The following SLC24A2 variants were observed in gnomAD, a reference collection of about 807,000 sequenced individuals.
SLC24A2 encodes the protein sodium/potassium/calcium exchanger 2.
SLC24A2 carries 36 observed loss-of-function variants against 62.0 expected under a neutral mutation model. The ratio of observed to expected loss-of-function variants is 0.58; its 90% confidence interval spans 0.44 to 0.77. The LOEUF (loss-of-function observed/expected upper bound fraction) is 0.77, where lower values mean the gene tolerates loss of function less well. Among genes scored for constraint, SLC24A2 ranks in the 30% least tolerant of loss-of-function variants. The pLI is 0.00. For missense variants in SLC24A2, 846 were observed against 817.9 expected, an observed-to-expected ratio of 1.03 and a Z score of -0.42; for synonymous variants, 358 against 294.0, an observed-to-expected ratio of 1.22 and a Z score of -2.23.
the SLC24A2 span, among the ~76,000 whole-genome samples, chr9:20,222,505 C>T: frequency 1.3e-5 from 2 of 152,134 alleles, no homozygotes; most frequent in East Asian, 1.9e-4. Flanking sequence ...AAATATCCAA[C>T]TAATTTTATA....
the SLC24A2 span, among the ~76,000 whole-genome samples, chr9:19,815,959 C>T: frequency 7.7e-5 from 8 of 103,430 alleles, no homozygotes; most frequent in South Asian, 7.5e-4. Flanking sequence ...TTTTTTGCCC[C>T]TTTTTTTTTT....
the SLC24A2 span, among the ~76,000 whole-genome samples, chr9:19,884,198 C>G: frequency 1.3e-5 from 2 of 152,152 alleles, no homozygotes; most frequent in Admixed American, 6.5e-5. Flanking sequence ...GATTTTATAA[C>G]AATGTGTATT....
chr9:20,235,815 G>T, the SLC24A2 span, among the ~76,000 whole-genome samples: 15 of 152,314 alleles, frequency 9.8e-5, no homozygotes, highest in African/African-American at 3.6e-4. Context: ...CCCATCTTCT[G>T]TGTCGCTCAC....
intron 2 of SLC24A2, among the ~76,000 whole-genome samples, chr9:19,658,256 C>T (rs1229429360): frequency 1.8e-5 from 2 of 112,220 alleles, no homozygotes; most frequent in African/African-American, 7.1e-5. Context: ...GATATCTCTA[C>T]CCCTCACATT....
At chr9:19,605,430 G>T (rs1477631317) in intron 4 of SLC24A2, among the ~76,000 whole-genome samples, 2 of 152,084 alleles carry the variant, frequency 1.3e-5, no homozygotes, top group Admixed American at 1.3e-4. Context: ...CCTTCTCATT[G>T]TACAAAGGAC....
chr9:19,811,366 A>T, the SLC24A2 span, among the ~76,000 whole-genome samples: 9 of 152,328 alleles, frequency 5.9e-5, no homozygotes, highest in South Asian at 1.9e-3. Context: ...AAAACAAAAT[A>T]TTTGGAGTAT....
intron 4 of SLC24A2, among the ~76,000 whole-genome samples, 153 bp from the exon 5 acceptor site, chr9:19,597,432 C>A (rs1836731486): frequency 6.6e-6 from 1 of 152,210 alleles, no homozygotes; most frequent in Non-Finnish European, 1.5e-5. Context: ...GGCCATGTGG[C>A]AGACAGCTTT....
intron 2 of SLC24A2, among the ~76,000 whole-genome samples, chr9:19,652,524 T>C (rs1362924085): frequency 1.3e-5 from 2 of 152,062 alleles, no homozygotes; most frequent in Admixed American, 1.3e-4. Context: ...GATGGGGGAA[T>C]GGGACGCACA....
At chr9:20,190,086 G>A in the SLC24A2 span, among the ~76,000 whole-genome samples, 19 of 152,318 alleles carry the variant, frequency 1.2e-4, no homozygotes, top group East Asian at 3.7e-3. Context: ...CCCTGGGAGA[G>A]TTTGCATTGG....
chr9:20,118,554 TTTTA>T, the SLC24A2 span, among the ~76,000 whole-genome samples: 1 of 152,142 alleles, frequency 6.6e-6, no homozygotes, highest in Admixed American at 6.6e-5. Flanking sequence ...TTTTTTTATT[TTTTA>T]TTTTACAGCC....
At chr9:20,201,791 G>A in the SLC24A2 span, among the ~76,000 whole-genome samples, 5 of 151,922 alleles carry the variant, frequency 3.3e-5, no homozygotes, top group African/African-American at 9.7e-5. Flanking sequence ...TCATTATTTC[G>A]AAATTTCATT....
intron 2 of SLC24A2, among the ~76,000 whole-genome samples, chr9:19,705,969 T>C (rs1177509226): frequency 6.6e-6 from 1 of 151,990 alleles, no homozygotes; most frequent in African/African-American, 2.4e-5. Flanking sequence ...CAGAGCTGAG[T>C]TCAATTCCTG....
At chr9:19,778,064 G>A (rs1822898338) in intron 2 of SLC24A2, among the ~76,000 whole-genome samples, 2 of 152,144 alleles carry the variant, frequency 1.3e-5, no homozygotes, top group Non-Finnish European at 2.9e-5. Context: ...AACATTGAGA[G>A]AATGCCATTA....
the SLC24A2 span, among the ~76,000 whole-genome samples, chr9:19,849,093 G>T: frequency 6.6e-6 from 1 of 152,214 alleles, no homozygotes; most frequent in Non-Finnish European, 1.5e-5. Context: ...GGGGCACTGA[G>T]TGGGCAGAGA....
chr9:19,542,564 T>C (rs777126983), intron 8 of SLC24A2, among the ~76,000 whole-genome samples: 39 of 152,326 alleles, frequency 2.6e-4, no homozygotes, highest in Non-Finnish European at 5.3e-4. Context: ...CAGTACGATA[T>C]TGGCTATGGG....
chr9:20,009,369 A>C, the SLC24A2 span, among the ~76,000 whole-genome samples: 1 of 145,266 alleles, frequency 6.9e-6, no homozygotes, highest in East Asian at 2.1e-4. Flanking sequence ...TGGGTGACAG[A>C]CTGAACTCTG....
chr9:19,897,299 A>G, the SLC24A2 span, among the ~76,000 whole-genome samples: 2 of 152,158 alleles, frequency 1.3e-5, no homozygotes, highest in African/African-American at 2.4e-5. Context: ...TTAGTTCAAC[A>G]TGTTGTTTTT....
chr9:19,744,536 T>C (rs1288260838), intron 2 of SLC24A2, among the ~76,000 whole-genome samples: 1 of 152,090 alleles, frequency 6.6e-6, no homozygotes, highest in Non-Finnish European at 1.5e-5. Flanking sequence ...ACCCAAAGCA[T>C]ATGCCCCAAG....
At chr9:20,094,540 A>G in the SLC24A2 span, among the ~76,000 whole-genome samples, 355 of 152,324 alleles carry the variant, frequency 2.3e-3, 1 homozygote, top group African/African-American at 8.1e-3. Context: ...GTTTGCAACA[A>G]TATTAACAAG....
Sources: allele counts gnomAD v4.1 joint callset (sites outside exome capture counted in the v4.1 genomes callset), GRCh38; gene constraint gnomAD v4.1.1; transcripts MANE v1.5; gene names NCBI Gene and HGNC (gene_info 2026-07-23, HGNC 2026-07-21).